The following MAP3K13 variants were observed in gnomAD, a reference collection of about 807,000 sequenced individuals.
MAP3K13 encodes the protein mitogen-activated protein kinase kinase kinase 13, also known as leucine zipper-bearing kinase.
Under a neutral mutation model 104.0 loss-of-function variants are expected in MAP3K13, and 52 were observed. That is an observed-to-expected ratio of 0.50 (90% CI 0.40 to 0.63). The LOEUF (loss-of-function observed/expected upper bound fraction) is 0.63, where lower values mean the gene tolerates loss of function less well. MAP3K13 is among the 20% of genes least tolerant of loss of function. MAP3K13 has a pLI of 0.00. For synonymous variants in MAP3K13, 394 were observed against 442.2 expected (o/e 0.89, Z 1.37); for missense variants, 914 against 1,218.5 (o/e 0.75, Z 3.72).
intron 1 of MAP3K13, among the ~76,000 whole-genome samples, chr3:185,375,276 G>A (rs1724368960): frequency 6.6e-6 from 1 of 152,194 alleles, no homozygotes; most frequent in Admixed American, 6.6e-5. Context: ...CTGACACGAG[G>A]CATCTGAGTA....
intron 1 of MAP3K13, among the ~76,000 whole-genome samples, chr3:185,400,383 G>A (rs1476841306): frequency 6.6e-6 from 1 of 152,182 alleles, no homozygotes; most frequent in Non-Finnish European, 1.5e-5. Flanking sequence ...CACATTACAT[G>A]GTAACTATTT....
At chr3:185,461,058 G>C (rs777626494) in intron 7 of MAP3K13, among the ~76,000 whole-genome samples, 1 of 151,944 alleles carries the variant, frequency 6.6e-6, no homozygotes, top group Non-Finnish European at 1.5e-5. Context: ...TCATTCTTTC[G>C]CCTCCTAAGG....
At chr3:185,441,770 G>A (rs1306903721) in intron 3 of MAP3K13, among the ~76,000 whole-genome samples, 5 of 151,796 alleles carry the variant, frequency 3.3e-5, no homozygotes, top group Admixed American at 2.0e-4. Flanking sequence ...GGCCAGGAGC[G>A]GTGGCTCAAG....
chr3:185,481,829 A>C (rs1032359018), intron 13 of MAP3K13, among the ~76,000 whole-genome samples: 1 of 152,260 alleles, frequency 6.6e-6, no homozygotes, highest in African/African-American at 2.4e-5. Flanking sequence ...TCATGCCTGT[A>C]ATCCCAGCAC....
intron 1 of MAP3K13, among the ~76,000 whole-genome samples, chr3:185,377,225 C>T (rs1010020837): frequency 1.2e-4 from 18 of 152,166 alleles, no homozygotes; most frequent in Non-Finnish European, 2.1e-4. Flanking sequence ...TTTAAAAGGC[C>T]ATGCTGTAAC....
At chr3:185,463,458 T>C in intron 7 of MAP3K13, 92 bp from the exon 8 acceptor site, 1 of 698,774 alleles carries the variant, frequency 1.4e-6, no homozygotes, top group South Asian at 1.8e-5. Context: ...AGTAGAAGCA[T>C]GCAGGGAAAA....
At chr3:185,448,127 T>G in intron 5 of MAP3K13, 180 bp downstream of exon 5, 1 of 775,904 alleles carries the variant, frequency 1.3e-6, no homozygotes, top group East Asian at 2.5e-5. Flanking sequence ...GGGAGAAGGA[T>G]TAGGGGGAAT....
At chr3:185,322,816 C>A (rs1036924551) in intron 2 of MAP3K13, among the ~76,000 whole-genome samples, 1 of 152,182 alleles carries the variant, frequency 6.6e-6, no homozygotes, top group Non-Finnish European at 1.5e-5. Context: ...CTGTTCTGAT[C>A]TCTCTTTGAT....
chr3:185,292,880 T>C, intron 2 of MAP3K13: 1 of 984,184 alleles, frequency 1.0e-6, no homozygotes, highest in South Asian at 4.7e-5. Flanking sequence ...AGTTATAGAT[T>C]ATAACATATT....
Position 185,382,689 on chromosome 3 carries a change from A to G in MAP3K13, c.-86+19321A>G, listed in dbSNP as rs1210647713. On this transcript the variant is annotated intron_variant, in intron 1 of 13. Coordinates refer to ENST00000265026, the MANE Select transcript of MAP3K13 (RefSeq NM_004721.5). Reference sequence around the variant, plus strand: ...GTGGGTTTTCACTCTATTAGTTCCCACAAGAGCTGGTTGTTAAAAAAGAGC... The same window carrying G: ...GTGGGTTTTCACTCTATTAGTTCCCGCAAGAGCTGGTTGTTAAAAAAGAGC... Among the ~76,000 whole-genome samples the G allele has an allele frequency of 2.0e-5, 3 of 151,952 alleles. 1 individual carries two copies. Among genetic ancestry groups the G allele is most frequent in the Non-Finnish European group, 4.4e-5 (3 of 68,002 alleles).
Position 185,485,902 on chromosome 3 carries a change from G to A in MAP3K13, c.*3446G>A, listed in dbSNP as rs1214219181. 2.6e-5 allele frequency: 4 copies of A among 152,102 alleles called. No individual in the cohort carries two copies. The highest frequency in any genetic ancestry group is 4.4e-5 in the Non-Finnish European group (3 of 68,028). The allele number at this position is 152,102 out of a possible 1,614,324, so 9.4% of individuals were successfully genotyped here. On this transcript the variant is annotated 3_prime_UTR_variant, in exon 14 of 14. Coordinates refer to ENST00000265026, the MANE Select transcript of MAP3K13 (RefSeq NM_004721.5). ...GAACAAGACTAAAGAACTTTAAGAAGGAGGCCTGGTCACTTAGAGGACCAA... is the reference window on the plus strand; with the variant it reads ...GAACAAGACTAAAGAACTTTAAGAAAGAGGCCTGGTCACTTAGAGGACCAA...
chr3:185,367,783 A>G (rs1723959479), intron 1 of MAP3K13, among the ~76,000 whole-genome samples: 1 of 152,026 alleles, frequency 6.6e-6, no homozygotes, highest in Non-Finnish European at 1.5e-5. Flanking sequence ...TTTTATAGAG[A>G]TGAGGTCTCC....
intron 4 of MAP3K13, among the ~76,000 whole-genome samples, chr3:185,445,546 T>C (rs1218136195): frequency 6.6e-6 from 1 of 152,176 alleles, no homozygotes; most frequent in Non-Finnish European, 1.5e-5. Context: ...ACCAACTTGT[T>C]CTCCTTATGA....
In MAP3K13 at chr3:185,480,515, G is replaced by A; in HGVS notation, c.2785G>A (p.Glu929Lys). 2 of 1,610,768 alleles carry A rather than the reference G, an allele frequency of 1.2e-6. No individual in the cohort carries two copies. Among genetic ancestry groups the A allele is most frequent in the Non-Finnish European group, 1.7e-6 (2 of 1,179,284 alleles). The change falls in exon 13 of 14, where the codon GAA (glutamate) becomes AAA (lysine). Residue 929 changes from glutamate to lysine, a missense_variant. By Grantham distance (56) the Glu-to-Lys change is moderately conservative (BLOSUM62 1). Around this residue, in one of 3 missense-constraint regions of MAP3K13, gnomAD observed 583 missense variants for 737.4 expected, o/e 0.79. Transcript: ENST00000265026. ...GTCTCTGGGCAAGCTGTGTGTGGAG[G>A]AACGTGGCTATGAGGTGGGGGCTTC... ...QMSLGKLCVE[E>K]RGYENPMQFE...
At position 185,315,871 on chromosome 3, in the gene MAP3K13, C is replaced by A. The variant is rs1721652859; in HGVS notation, c.-86+30228C>A. Among the ~76,000 whole-genome samples, 1 of 151,894 alleles carries A rather than the reference C, an allele frequency of 6.6e-6. No homozygotes were observed. Among genetic ancestry groups the A allele is most frequent in the Non-Finnish European group, 1.5e-5 (1 of 67,976 alleles). On this transcript the variant is annotated intron_variant, in intron 2 of 14. Transcript: ENST00000424227. The surrounding 1 kb of genome is among the most constrained non-coding windows in gnomAD (Gnocchi z 4.3). ...TTTGGTTAAGATACATCAAAACTAA[C>A]CACAGAAAAGTGAGAAAGAGAGAAG... is the stretch of plus-strand genomic sequence containing the variant.
chr3:185,312,395 G>C (rs1356140178), intron 2 of MAP3K13, among the ~76,000 whole-genome samples: 2 of 152,246 alleles, frequency 1.3e-5, no homozygotes, highest in Non-Finnish European at 2.9e-5. Context: ...CACGCAGAGA[G>C]ATGCTTGGAC....
At position 185,473,128 on chromosome 3, in the gene MAP3K13, T is replaced by C. The variant is rs774526919; in HGVS notation, c.1797T>C (p.His599=). Residue 599 remains histidine, a synonymous_variant, in exon 11 of 14, where the codon CAT becomes CAC. Coordinates refer to ENST00000265026, the MANE Select transcript of MAP3K13 (RefSeq NM_004721.5). The surrounding 1 kb of genome is among the most constrained non-coding windows in gnomAD (Gnocchi z 4.9). ...GCCGAGGGAATAGCAGAGGCAGCCATAGTGACTTTGCCGCAATCTTGAAAA... is the reference window on the plus strand; with the variant it reads ...GCCGAGGGAATAGCAGAGGCAGCCACAGTGACTTTGCCGCAATCTTGAAAA... ...RHRRGNSRGS[H]SDFAAILKNQ... is the part of the protein sequence containing the mutation. The C allele has an allele frequency of 6.2e-7, 1 of 1,614,092 alleles. No individual in the cohort carries two copies. Among genetic ancestry groups the C allele is most frequent in the Admixed American group, 1.7e-5 (1 of 60,014 alleles).
chr3:185,455,617 G>C (rs376981113), intron 7 of MAP3K13, among the ~76,000 whole-genome samples: 3 of 8,534 alleles, frequency 3.5e-4, no homozygotes, highest in Non-Finnish European at 6.3e-4. Context: ...ATATATATGA[G>C]ATATATGATA....
intron 7 of MAP3K13, among the ~76,000 whole-genome samples, chr3:185,457,542 T>C (rs1326467237): frequency 6.6e-6 from 1 of 152,146 alleles, no homozygotes; most frequent in East Asian, 1.9e-4. Context: ...AGGGCACTTT[T>C]CTCATTCATG....
Sources: allele counts gnomAD v4.1 joint callset (sites outside exome capture counted in the v4.1 genomes callset), GRCh38; gene constraint gnomAD v4.1.1; regional missense constraint gnomAD v4.1.1; non-coding constraint Gnocchi (gnomAD v3.1); transcripts MANE v1.5; gene names NCBI Gene and HGNC (gene_info 2026-07-23, HGNC 2026-07-21).